The following UNC5C variants were observed in gnomAD, a reference collection of about 807,000 sequenced individuals.
UNC5C encodes unc-5 netrin receptor C.
A neutral mutation model predicts 99.8 loss-of-function variants in UNC5C; 47 were observed. That is an observed-to-expected ratio of 0.47 (90% CI 0.37 to 0.60). UNC5C has a LOEUF of 0.60. Among genes scored for constraint, UNC5C ranks in the 20% least tolerant of loss-of-function variants. The pLI is 0.00. For synonymous variants in UNC5C, 487 were observed against 452.2 expected (o/e 1.08, Z -0.98); for missense variants, 1,062 against 1,165.9 (o/e 0.91, Z 1.30).
At chr4:95,304,862 C>G (rs1483222911) in intron 2 of UNC5C, among the ~76,000 whole-genome samples, 2 of 152,206 alleles carry the variant, frequency 1.3e-5, no homozygotes, top group Non-Finnish European at 2.9e-5. Context: ...TTCTCCCCCA[C>G]TTTTACTTAA....
At chr4:95,446,007 G>T (rs1747093451) in intron 1 of UNC5C, among the ~76,000 whole-genome samples, 1 of 152,054 alleles carries the variant, frequency 6.6e-6, no homozygotes, top group African/African-American at 2.4e-5. Flanking sequence ...AACAACGTGG[G>T]GGGGTGGAGT....
intron 1 of UNC5C, among the ~76,000 whole-genome samples, chr4:95,501,675 T>G (rs946298848): frequency 6.6e-6 from 1 of 152,094 alleles, no homozygotes; most frequent in Non-Finnish European, 1.5e-5. Context: ...AAACTATAGC[T>G]TGTGAAAGTA....
chr4:95,334,532 C>A (rs1743257946), intron 2 of UNC5C, among the ~76,000 whole-genome samples: 1 of 151,878 alleles, frequency 6.6e-6, no homozygotes, highest in Non-Finnish European at 1.5e-5. Context: ...ATTCTGTCTG[C>A]TGGAGAGCAA....
At chr4:95,207,311 A>G (rs1737917173) in intron 10 of UNC5C, among the ~76,000 whole-genome samples, 1 of 152,230 alleles carries the variant, frequency 6.6e-6, no homozygotes, top group Non-Finnish European at 1.5e-5. Flanking sequence ...AGGCTAGTAC[A>G]GCAGATTCAT....
At chr4:95,269,669 A>T (rs1381169764) in intron 4 of UNC5C, among the ~76,000 whole-genome samples, 1 of 151,918 alleles carries the variant, frequency 6.6e-6, no homozygotes, top group Non-Finnish European at 1.5e-5. Flanking sequence ...GTGTTGATGT[A>T]GATAATCTAT....
At position 95,435,496 on chromosome 4, in the gene UNC5C, C is replaced by G. The variant is rs542298628; in HGVS notation, c.125-99865G>C. 1.7e-3 allele frequency among the ~76,000 whole-genome samples: 255 copies of G among 152,170 alleles called. 1 individual carries two copies. Among genetic ancestry groups the G allele is most frequent in the Non-Finnish European group, 3.0e-3 (201 of 67,976 alleles). Reference sequence around the variant, plus strand: ...TTTGAGCATGACACAAATTTCCCATCTAATTATGCATTACTTTACTTGTGA... The same window carrying G: ...TTTGAGCATGACACAAATTTCCCATGTAATTATGCATTACTTTACTTGTGA... On this transcript the variant is annotated intron_variant, in intron 1 of 15. Coordinates refer to ENST00000453304, the MANE Select transcript of UNC5C (RefSeq NM_003728.4).
chr4:95,240,238 C>T (rs1739280613), intron 7 of UNC5C, among the ~76,000 whole-genome samples: 1 of 152,188 alleles, frequency 6.6e-6, no homozygotes, highest in African/African-American at 2.4e-5. Context: ...GCGAACTTTG[C>T]ACTTTCACTG....
chr4:95,282,023 C>T (rs956404850), intron 3 of UNC5C, among the ~76,000 whole-genome samples: 2 of 152,102 alleles, frequency 1.3e-5, no homozygotes, highest in Non-Finnish European at 2.9e-5. Context: ...TTGAGAACCA[C>T]AGGTCTAGGG....
chr4:95,348,111 T>A (rs529144710), intron 1 of UNC5C, among the ~76,000 whole-genome samples: 27 of 152,092 alleles, frequency 1.8e-4, no homozygotes, highest in African/African-American at 5.8e-4. Context: ...TGAAAAGACA[T>A]TTTTCAAAAG....
chr4:95,170,177 C>A lies in UNC5C; in HGVS notation c.2607G>T (p.Leu869=). The change falls in exon 15 of 16, where the codon CTG becomes CTT. Residue 869 remains leucine (L), a synonymous_variant. Coordinates refer to ENST00000453304, the MANE Select transcript of UNC5C (RefSeq NM_003728.4). ...ACCTGTCCAGGTTCAGCTTATGGGC[C>A]AGCATCCTCCAGTCATGGCCTCTCG... is the stretch of plus-strand genomic sequence containing the variant. The part of the protein sequence containing the change: ...PQTRGHDWRM[L]AHKLNLDRYL... 1 of 1,614,112 alleles carries A rather than the reference C, an allele frequency of 6.2e-7. No homozygotes were observed. The highest frequency in any genetic ancestry group is 8.5e-7 in the Non-Finnish European group (1 of 1,180,020).
intron 1 of UNC5C, among the ~76,000 whole-genome samples, chr4:95,466,384 A>G (rs947953831): frequency 6.6e-6 from 1 of 152,152 alleles, no homozygotes; most frequent in African/African-American, 2.4e-5. Context: ...ATGAAACTAC[A>G]TATAAACTTC....
At chr4:95,276,654 A>G (rs894216561) in intron 4 of UNC5C, among the ~76,000 whole-genome samples, 1 of 152,174 alleles carries the variant, frequency 6.6e-6, no homozygotes, top group African/African-American at 2.4e-5. Context: ...TTAAGAAGAC[A>G]TATGCACTAT....
chr4:95,540,581 G>A (rs567320578), intron 1 of UNC5C, among the ~76,000 whole-genome samples: 16 of 152,226 alleles, frequency 1.1e-4, no homozygotes, highest in African/African-American at 3.9e-4. Context: ...AAAATGACAG[G>A]CACCATAATC....
intron 1 of UNC5C, among the ~76,000 whole-genome samples, chr4:95,451,522 G>T (rs10005364): frequency 6.6e-6 from 1 of 152,088 alleles, no homozygotes; most frequent in African/African-American, 2.4e-5. Context: ...GTAAAGTAGA[G>T]AAATTGGAAA....
chr4:95,404,567 T>G (rs1483767189), intron 1 of UNC5C, among the ~76,000 whole-genome samples: 1 of 152,160 alleles, frequency 6.6e-6, no homozygotes, highest in Non-Finnish European at 1.5e-5. Context: ...GTTTTCTCAT[T>G]TATTAAATGA....
At chr4:95,178,187 T>G (rs1373895634) in intron 14 of UNC5C, among the ~76,000 whole-genome samples, 1 of 152,240 alleles carries the variant, frequency 6.6e-6, no homozygotes. Context: ...CATAGGCTCC[T>G]TAGAGTCTGA....
At chr4:95,319,406 G>A (rs1454619632) in intron 2 of UNC5C, among the ~76,000 whole-genome samples, 1 of 152,148 alleles carries the variant, frequency 6.6e-6, no homozygotes, top group Non-Finnish European at 1.5e-5. Flanking sequence ...ATCAGGTTAA[G>A]CCTTTGATGA....
chr4:95,523,952 G>A (rs778854993), intron 1 of UNC5C, among the ~76,000 whole-genome samples: 1 of 152,078 alleles, frequency 6.6e-6, no homozygotes, highest in Non-Finnish European at 1.5e-5. Context: ...CCAAGTAGAA[G>A]CCAACAAAAT....
At chr4:95,342,570 G>A (rs773633548) in intron 1 of UNC5C, among the ~76,000 whole-genome samples, 3 of 151,842 alleles carry the variant, frequency 2.0e-5, no homozygotes, top group Non-Finnish European at 4.4e-5. Flanking sequence ...GGCTTCATAT[G>A]GCTTCAGACT....
Sources: allele counts gnomAD v4.1 joint callset (sites outside exome capture counted in the v4.1 genomes callset), GRCh38; gene constraint gnomAD v4.1.1; transcripts MANE v1.5; gene names NCBI Gene and HGNC (gene_info 2026-07-23, HGNC 2026-07-21).